The following KCNB2 variants were observed in gnomAD, a reference collection of about 807,000 sequenced individuals.
The protein encoded by KCNB2 is potassium voltage-gated channel subfamily B member 2.
Under a neutral mutation model 61.5 loss-of-function variants are expected in KCNB2, and 15 were observed. The ratio of observed to expected loss-of-function variants is 0.24; its 90% CI spans 0.16 to 0.38. The LOEUF (loss-of-function observed/expected upper bound fraction) is 0.38, where lower values mean the gene tolerates loss of function less well. Ranked by LOEUF, KCNB2 falls within the 10% of genes least tolerant of loss-of-function variation. The probability of loss-of-function intolerance (pLI) is 1.00; values close to 1 mark genes in which losing one functional copy is unlikely to be tolerated. For missense variants in KCNB2, 828 were observed against 1,125.2 expected (o/e 0.74, Z 3.78); for synonymous variants, 457 against 446.0 (o/e 1.02, Z -0.31).
chr8:72,716,431 G>A (rs551591576), intron 2 of KCNB2, among the ~76,000 whole-genome samples: 27 of 152,236 alleles, frequency 1.8e-4, no homozygotes, highest in South Asian at 1.2e-3. Context: ...TTGGCAAGCC[G>A]AATCCAGCAA....
At chr8:72,770,016 T>C (rs1486009983) in intron 2 of KCNB2, among the ~76,000 whole-genome samples, 2 of 152,156 alleles carry the variant, frequency 1.3e-5, no homozygotes, top group Admixed American at 6.5e-5. Context: ...GATAAAAGAA[T>C]CACTTCTCAT....
intron 2 of KCNB2, among the ~76,000 whole-genome samples, chr8:72,590,347 C>G (rs557139127): frequency 1.6e-4 from 24 of 152,166 alleles, no homozygotes; most frequent in African/African-American, 5.8e-4. Context: ...CCTCATTTCC[C>G]TGCTGCCTTT....
At chr8:72,726,855 GT>G (rs1202681976) in intron 2 of KCNB2, among the ~76,000 whole-genome samples, 1 of 149,942 alleles carries the variant, frequency 6.7e-6, no homozygotes, top group African/African-American at 2.5e-5. Flanking sequence ...CCTTCAGGAG[GT>G]ACCTTCTCAG....
chr8:72,564,848 A>G (rs1433791523), intron 1 of KCNB2, among the ~76,000 whole-genome samples: 1 of 152,216 alleles, frequency 6.6e-6, no homozygotes. Context: ...AATTTATTTA[A>G]TAGACACTAA....
chr8:72,903,025 CT>C (rs1477476200), intron 2 of KCNB2, among the ~76,000 whole-genome samples: 1 of 152,110 alleles, frequency 6.6e-6, no homozygotes, highest in Non-Finnish European at 1.5e-5. Context: ...ATTTCTAATT[CT>C]AAACTTTGAG....
At chr8:72,662,377 G>A (rs949587364) in intron 2 of KCNB2, among the ~76,000 whole-genome samples, 7 of 152,120 alleles carry the variant, frequency 4.6e-5, no homozygotes. Context: ...GCCTCAGTGG[G>A]GCTGGGGAGG....
At chr8:72,659,772 T>C (rs1806349521) in intron 2 of KCNB2, among the ~76,000 whole-genome samples, 1 of 152,236 alleles carries the variant, frequency 6.6e-6, no homozygotes, top group Admixed American at 6.5e-5. Flanking sequence ...AAGGCTCAGA[T>C]GATCATTAGC....
At chr8:72,692,573 G>A (rs918886407) in intron 2 of KCNB2, among the ~76,000 whole-genome samples, 1 of 151,924 alleles carries the variant, frequency 6.6e-6, no homozygotes, top group Non-Finnish European at 1.5e-5. Context: ...TATATTTTGG[G>A]ATAAAGAGGC....
chr8:72,845,193 C>G (rs1252150798), intron 2 of KCNB2, among the ~76,000 whole-genome samples: 2 of 152,154 alleles, frequency 1.3e-5, no homozygotes, highest in African/African-American at 4.8e-5. Context: ...CCATCATGCC[C>G]CTCTGCTGCA....
At chr8:72,573,313 T>A (rs954493860) in intron 2 of KCNB2, among the ~76,000 whole-genome samples, 1 of 152,222 alleles carries the variant, frequency 6.6e-6, no homozygotes, top group Non-Finnish European at 1.5e-5. Context: ...CATAAATGAT[T>A]TTCTTTCAGT....
chr8:72,730,718 T>C (rs955437925), intron 2 of KCNB2, among the ~76,000 whole-genome samples: 5 of 152,182 alleles, frequency 3.3e-5, no homozygotes, highest in African/African-American at 1.2e-4. Flanking sequence ...ATAGTATGTG[T>C]AGAGAGAAAG....
At chr8:72,577,640 C>T (rs191848259) in intron 2 of KCNB2, among the ~76,000 whole-genome samples, 315 of 152,278 alleles carry the variant, frequency 2.1e-3, no homozygotes, top group African/African-American at 7.0e-3. Context: ...CTAGATTTCA[C>T]GCTTTAACTT....
At chr8:72,789,698 A>C (rs1011285983) in intron 2 of KCNB2, among the ~76,000 whole-genome samples, 17 of 152,084 alleles carry the variant, frequency 1.1e-4, no homozygotes, top group Admixed American at 6.6e-4. Context: ...AGAAACATAA[A>C]ATGAAATAAG....
At chr8:72,718,877 A>G (rs1240349246) in intron 2 of KCNB2, among the ~76,000 whole-genome samples, 1 of 152,174 alleles carries the variant, frequency 6.6e-6, no homozygotes, top group Non-Finnish European at 1.5e-5. Flanking sequence ...TTTCTTCTGA[A>G]TAAGAAAACC....
In KCNB2 at chr8:72,722,497, T is replaced by C. The variant is rs1427246536; in HGVS notation, c.579+154184T>C. Among the ~76,000 whole-genome samples, 6 of 152,290 alleles carry C rather than the reference T, an allele frequency of 3.9e-5. No homozygotes were observed. In the East Asian group the frequency reaches 1.2e-3, roughly 29 times the overall value. ...GCTTTGCATGCGCTGGGCCCTCTGC[T>C]CAGACTGCTCTTACCACTCTCTTTG... On this transcript the variant is annotated intron_variant, in intron 2 of 2. Coordinates refer to ENST00000523207, the MANE Select transcript of KCNB2 (RefSeq NM_004770.3).
At chr8:72,935,837 G>C (rs1183761617) in intron 2 of KCNB2, 98 bp from the exon 3 acceptor site, 1 of 803,256 alleles carries the variant, frequency 1.2e-6, no homozygotes, top group African/African-American at 1.7e-5. Context: ...GAAGAACTTG[G>C]AGCATTCCAT....
At chr8:72,843,076 GCTGTAAATTTCC>G (rs1026887364) in intron 2 of KCNB2, among the ~76,000 whole-genome samples, 2 of 152,034 alleles carry the variant, frequency 1.3e-5, no homozygotes, top group African/African-American at 4.8e-5. Flanking sequence ...GGCATTTAGT[GCTGTAAATTTCC>G]CTCTAAACAC....
intron 2 of KCNB2, among the ~76,000 whole-genome samples, chr8:72,637,930 A>G (rs896639558): frequency 6.6e-6 from 1 of 152,156 alleles, no homozygotes; most frequent in African/African-American, 2.4e-5. Context: ...TTAAAAGGGC[A>G]AAGACTCATG....
intron 2 of KCNB2, among the ~76,000 whole-genome samples, chr8:72,825,651 G>A (rs1326487814): frequency 6.6e-6 from 1 of 152,160 alleles, no homozygotes; most frequent in Non-Finnish European, 1.5e-5. Context: ...GGCTAATGAT[G>A]GCAAGCATCT....
Sources: allele counts gnomAD v4.1 joint callset (sites outside exome capture counted in the v4.1 genomes callset), GRCh38; gene constraint gnomAD v4.1.1; transcripts MANE v1.5; gene names NCBI Gene and HGNC (gene_info 2026-07-23, HGNC 2026-07-21).